The following PRKD1 variants were observed in gnomAD, a reference collection of about 807,000 sequenced individuals.
The protein encoded by PRKD1 is serine/threonine-protein kinase D1.
PRKD1 carries 63 observed loss-of-function variants against 95.9 expected under a neutral mutation model. The observed-to-expected ratio is 0.66, with a 90% confidence interval of 0.54 to 0.81. The LOEUF (loss-of-function observed/expected upper bound fraction) is 0.81, where lower values mean the gene tolerates loss of function less well. Ranked by LOEUF, PRKD1 falls within the 30% of genes least tolerant of loss-of-function variation. The pLI is 0.00. For missense variants in PRKD1, 1,048 were observed against 1,165.3 expected (o/e 0.90, Z 1.47); for synonymous variants, 425 against 423.1 (o/e 1.00, Z -0.05).
rs1006214436 is a variant in PRKD1 at position 29,614,959 on chromosome 14, G to A, written c.1905+9193C>T. On this transcript the variant is annotated intron_variant, in intron 13 of 17. Transcript: ENST00000331968. ...ACTACTGAGCTCAGGCAGTCTGCCC[G>A]CCTCGGCCTCCCAAAGTGCTTGGAT... Among the ~76,000 whole-genome samples the A allele has an allele frequency of 7.5e-5, 11 of 147,174 alleles. No individual in the cohort carries two copies. In the East Asian group the frequency reaches 1.4e-3, roughly 19 times the overall value.
chr14:29,845,302 T>A (rs1892037360), intron 1 of PRKD1, among the ~76,000 whole-genome samples: 1 of 152,204 alleles, frequency 6.6e-6, no homozygotes, highest in African/African-American at 2.4e-5. Context: ...TAAATAAATG[T>A]CTATTTGTTA....
intron 2 of PRKD1, among the ~76,000 whole-genome samples, chr14:29,691,771 A>G (rs1884250566): frequency 6.6e-6 from 1 of 152,154 alleles, no homozygotes; most frequent in Non-Finnish European, 1.5e-5. Flanking sequence ...AAAGGGTAAA[A>G]AGTGATGATC....
intron 1 of PRKD1, among the ~76,000 whole-genome samples, chr14:29,754,054 G>A (rs1283209359): frequency 6.6e-6 from 1 of 152,114 alleles, no homozygotes; most frequent in Non-Finnish European, 1.5e-5. Context: ...CAGTGCCTAA[G>A]GCTTCCTAAA....
intron 1 of PRKD1, among the ~76,000 whole-genome samples, chr14:29,742,510 T>A (rs771729025): frequency 6.6e-6 from 1 of 152,216 alleles, no homozygotes; most frequent in Non-Finnish European, 1.5e-5. Context: ...ACTAATGGTC[T>A]GTTGCTGTCT....
intron 2 of PRKD1, among the ~76,000 whole-genome samples, chr14:29,670,054 T>C (rs970179364): frequency 6.6e-6 from 1 of 152,204 alleles, no homozygotes; most frequent in African/African-American, 2.4e-5. Context: ...TCTGTAACTT[T>C]TACTTAGTAA....
chr14:29,685,403 G>A (rs1406600062), intron 2 of PRKD1, among the ~76,000 whole-genome samples: 1 of 152,190 alleles, frequency 6.6e-6, no homozygotes, highest in African/African-American at 2.4e-5. Flanking sequence ...TGATAAAAGG[G>A]ATAGAATAGC....
chr14:29,857,702 A>C (rs1371006147), intron 1 of PRKD1, among the ~76,000 whole-genome samples: 3 of 152,224 alleles, frequency 2.0e-5, no homozygotes, highest in African/African-American at 4.8e-5. Context: ...GAATGCCACA[A>C]AGCACTTTTT....
At chr14:29,727,655 C>T (rs914282085) in intron 1 of PRKD1, among the ~76,000 whole-genome samples, 1 of 151,576 alleles carries the variant, frequency 6.6e-6, no homozygotes, top group Non-Finnish European at 1.5e-5. Context: ...ATAGGGAATC[C>T]TTTCCCCATT....
intron 1 of PRKD1, among the ~76,000 whole-genome samples, chr14:29,915,384 A>G (rs1401422657): frequency 6.6e-6 from 1 of 152,234 alleles, no homozygotes; most frequent in Non-Finnish European, 1.5e-5. Context: ...ATATTTCAAA[A>G]AAAATTTACA....
At chr14:29,914,834 G>C (rs1894838328) in intron 1 of PRKD1, among the ~76,000 whole-genome samples, 1 of 151,506 alleles carries the variant, frequency 6.6e-6, no homozygotes, top group African/African-American at 2.4e-5. Flanking sequence ...GTGCAGTGGC[G>C]TGATCTCGGC....
chr14:29,791,381 A>G (rs1057343585), intron 1 of PRKD1, among the ~76,000 whole-genome samples: 1 of 152,198 alleles, frequency 6.6e-6, no homozygotes, highest in African/African-American at 2.4e-5. Context: ...AAACTTTGTC[A>G]TATCAATGTA....
chr14:29,844,475 T>TA (rs1891999156), intron 1 of PRKD1, among the ~76,000 whole-genome samples: 1 of 152,140 alleles, frequency 6.6e-6, no homozygotes, highest in South Asian at 2.1e-4. Flanking sequence ...TAAGTAGATA[T>TA]AAAAATGTTT....
At chr14:29,818,676 A>G (rs1008332183) in intron 1 of PRKD1, among the ~76,000 whole-genome samples, 17 of 151,882 alleles carry the variant, frequency 1.1e-4, no homozygotes, top group African/African-American at 4.1e-4. Context: ...TTTGGTTTCA[A>G]TATCAATGGA....
At position 29,626,466 on chromosome 14, in the gene PRKD1, C is replaced by G. The variant is rs534908747; in HGVS notation, c.1798+18G>C. The G allele has an allele frequency of 6.3e-7, 1 of 1,590,574 alleles. No homozygotes were observed. The highest frequency in any genetic ancestry group is 2.2e-5 in the East Asian group (1 of 44,500). On this transcript the variant is annotated intron_variant, in intron 12 of 17. Coordinates refer to ENST00000331968, the MANE Select transcript of PRKD1 (RefSeq NM_002742.3). Reference sequence around the variant, plus strand: ...CAAAAATTTTAAGTTCATAAAAATACTCAGTGAGATAACCTACCTCCATAA... The same window carrying G: ...CAAAAATTTTAAGTTCATAAAAATAGTCAGTGAGATAACCTACCTCCATAA...
chr14:29,664,110 A>G (rs1190559420), intron 3 of PRKD1, among the ~76,000 whole-genome samples: 1 of 152,174 alleles, frequency 6.6e-6, no homozygotes, highest in Non-Finnish European at 1.5e-5. Flanking sequence ...CTGTGATATA[A>G]CAGTCTTAGG....
intron 1 of PRKD1, among the ~76,000 whole-genome samples, chr14:29,788,760 C>A (rs1172260634): frequency 2.6e-5 from 4 of 152,050 alleles, no homozygotes; most frequent in African/African-American, 9.7e-5. Context: ...TTTCTGTTTG[C>A]TTCTTTCTTA....
intron 2 of PRKD1, among the ~76,000 whole-genome samples, chr14:29,673,662 T>G (rs556757711): frequency 1.3e-5 from 2 of 152,372 alleles, no homozygotes; most frequent in Non-Finnish European, 2.9e-5. Flanking sequence ...TTCTCGTAGT[T>G]AAACATGTTG....
At chr14:29,785,080 C>A (rs1402496712) in intron 1 of PRKD1, among the ~76,000 whole-genome samples, 1 of 152,202 alleles carries the variant, frequency 6.6e-6, no homozygotes, top group Non-Finnish European at 1.5e-5. Context: ...ACCCATTACA[C>A]ATGCACTCAA....
At chr14:29,702,927 T>C (rs1481880565) in intron 2 of PRKD1, among the ~76,000 whole-genome samples, 1 of 152,220 alleles carries the variant, frequency 6.6e-6, no homozygotes, top group East Asian at 1.9e-4. Context: ...AGTTTTAGAA[T>C]GATATTTTAA....
Sources: allele counts gnomAD v4.1 joint callset (sites outside exome capture counted in the v4.1 genomes callset), GRCh38; gene constraint gnomAD v4.1.1; transcripts MANE v1.5; gene names NCBI Gene and HGNC (gene_info 2026-07-23, HGNC 2026-07-21).